The following ADGRB3 variants were observed in gnomAD, a reference collection of about 807,000 sequenced individuals.
The protein encoded by ADGRB3 is adhesion G protein-coupled receptor B3.
Under a neutral mutation model 193.4 loss-of-function variants are expected in ADGRB3, and 37 were observed. The observed-to-expected ratio is 0.19, with a 90% CI of 0.15 to 0.25. ADGRB3 has a LOEUF of 0.25. Among genes scored for constraint, ADGRB3 ranks in the 10% least tolerant of loss-of-function variants. The probability of loss-of-function intolerance (pLI) is 1.00; values close to 1 mark genes in which losing one functional copy is unlikely to be tolerated. For synonymous variants in ADGRB3, 690 were observed against 644.2 expected (o/e 1.07, Z -1.08); for missense variants, 1,637 against 1,852.9 (o/e 0.88, Z 2.14).
chr6:69,300,122 C>T (rs1767917952), intron 20 of ADGRB3, among the ~76,000 whole-genome samples: 1 of 151,800 alleles, frequency 6.6e-6, no homozygotes, highest in Non-Finnish European at 1.5e-5. Flanking sequence ...TGATTCATCA[C>T]AATCAAGTGA....
chr6:69,019,343 T>G (rs1184678602), intron 13 of ADGRB3, among the ~76,000 whole-genome samples: 2 of 152,070 alleles, frequency 1.3e-5, no homozygotes, highest in Non-Finnish European at 2.9e-5. Flanking sequence ...TTGCCCTATA[T>G]TCGTATTCAC....
intron 26 of ADGRB3, among the ~76,000 whole-genome samples, chr6:69,340,681 A>G (rs1378971212): frequency 6.6e-6 from 1 of 152,148 alleles, no homozygotes; most frequent in African/African-American, 2.4e-5. Flanking sequence ...TTTGTTACAT[A>G]GGTATACATG....
intron 16 of ADGRB3, among the ~76,000 whole-genome samples, chr6:69,063,466 T>TA (rs1362935281): frequency 2.0e-5 from 3 of 152,036 alleles, no homozygotes; most frequent in Admixed American, 2.0e-4. Context: ...ACTATATACT[T>TA]AAAATTGGTG....
intron 8 of ADGRB3, among the ~76,000 whole-genome samples, chr6:68,970,022 G>A (rs1768512180): frequency 6.6e-6 from 1 of 152,072 alleles, no homozygotes; most frequent in Non-Finnish European, 1.5e-5. Flanking sequence ...TGAACTCGAT[G>A]CCCCAAGCTC....
intron 20 of ADGRB3, among the ~76,000 whole-genome samples, chr6:69,265,805 T>C (rs1384083646): frequency 1.3e-5 from 2 of 152,008 alleles, no homozygotes; most frequent in African/African-American, 4.8e-5. Context: ...TTAACCCAGA[T>C]CTGTGATGGA....
intron 17 of ADGRB3, among the ~76,000 whole-genome samples, chr6:69,141,988 G>C (rs1290631536): frequency 6.6e-6 from 1 of 152,162 alleles, no homozygotes; most frequent in East Asian, 1.9e-4. Flanking sequence ...TTATATCTTA[G>C]CTGTAAGAAG....
In ADGRB3 at chr6:69,288,537, A is replaced by G. The variant is rs190051371; in HGVS notation, c.2815-36335A>G. Among the ~76,000 whole-genome samples, 286 of 152,282 alleles carry G rather than the reference A, an allele frequency of 1.9e-3. 1 individual carries two copies. The highest frequency in any genetic ancestry group is 6.6e-3 in the African/African-American group (273 of 41,570). On this transcript the variant is annotated intron_variant, in intron 20 of 31. Transcript: ENST00000370598. ...AATTGAAACATTTTTCTGTCCTTCA[A>G]GTTTATTGCTTACCATTCTCCAGAA...
At chr6:69,313,285 T>C (rs1768237713) in intron 20 of ADGRB3, among the ~76,000 whole-genome samples, 1 of 151,838 alleles carries the variant, frequency 6.6e-6, no homozygotes, top group Non-Finnish European at 1.5e-5. Flanking sequence ...GCAGCCAACG[T>C]TGGGAAATAC....
At chr6:69,233,084 C>G (rs767122775) in intron 17 of ADGRB3, 7 of 674,024 alleles carry the variant, frequency 1.0e-5, no homozygotes, top group South Asian at 5.9e-5. Flanking sequence ...CACGCCGCAC[C>G]GCCGCCTGCT....
chr6:69,112,119 T>A (rs1006257947), intron 17 of ADGRB3, among the ~76,000 whole-genome samples: 1 of 152,112 alleles, frequency 6.6e-6, no homozygotes, highest in African/African-American at 2.4e-5. Context: ...CACTTTACAG[T>A]CCATGCATAG....
At chr6:68,846,306 A>G (rs1768273488) in intron 3 of ADGRB3, among the ~76,000 whole-genome samples, 1 of 152,242 alleles carries the variant, frequency 6.6e-6, no homozygotes, top group Non-Finnish European at 1.5e-5. Flanking sequence ...GATAAAAAAT[A>G]AAAGCCCATT....
intron 17 of ADGRB3, among the ~76,000 whole-genome samples, chr6:69,139,413 G>A (rs556559629): frequency 6.6e-4 from 100 of 152,350 alleles, no homozygotes; most frequent in African/African-American, 2.3e-3. Flanking sequence ...CTCTCAGTGA[G>A]AGATGTTATT....
intron 3 of ADGRB3, among the ~76,000 whole-genome samples, chr6:68,668,170 T>C (rs1768847400): frequency 6.6e-6 from 1 of 152,018 alleles, no homozygotes; most frequent in South Asian, 2.1e-4. Context: ...AACTGAAGCC[T>C]CATGCTAAAT....
chr6:69,245,135 TAATA>T (rs1266625811), intron 20 of ADGRB3, among the ~76,000 whole-genome samples: 1 of 151,944 alleles, frequency 6.6e-6, no homozygotes, highest in African/African-American at 2.4e-5. Context: ...GGAGTAAATC[TAATA>T]AATCATCCAC....
intron 28 of ADGRB3, among the ~76,000 whole-genome samples, chr6:69,356,965 T>A (rs2127329428): frequency 6.6e-6 from 1 of 152,222 alleles, no homozygotes; most frequent in East Asian, 1.9e-4. Context: ...TTTGTTGATC[T>A]TGGTGCTGCC....
At chr6:68,670,351 G>A (rs751021072) in intron 3 of ADGRB3, among the ~76,000 whole-genome samples, 8 of 151,920 alleles carry the variant, frequency 5.3e-5, no homozygotes, top group Non-Finnish European at 1.0e-4. Flanking sequence ...TCAGACCAGT[G>A]GCCACAAGAT....
chr6:69,292,219 C>T (rs11751520), intron 20 of ADGRB3, among the ~76,000 whole-genome samples: 13,165 of 152,098 alleles, frequency 0.087, 665 homozygotes, highest in Middle Eastern at 0.22. Flanking sequence ...GTTTTAGATG[C>T]CTCAACCATG....
At chr6:68,802,182 G>GCGTA (rs1767324172) in intron 3 of ADGRB3, among the ~76,000 whole-genome samples, 1 of 144,810 alleles carries the variant, frequency 6.9e-6, no homozygotes, top group Admixed American at 6.7e-5. Context: ...ATGCACATAT[G>GCGTA]CGTGTGTGTG....
chr6:69,219,494 C>CGT (rs1208865300), intron 17 of ADGRB3, among the ~76,000 whole-genome samples: 4 of 68,080 alleles, frequency 5.9e-5, no homozygotes, highest in Non-Finnish European at 1.0e-4. Context: ...TATATATATA[C>CGT]GTGTGTGTGT....
Sources: gnomAD v4.1 joint callset for allele counts (sites outside exome capture counted in the v4.1 genomes callset) on GRCh38, gnomAD v4.1.1 for gene constraint, MANE v1.5 for transcripts, NCBI Gene and HGNC (gene_info 2026-07-23, HGNC 2026-07-21) for gene names.